Variants in CTNND1 observed in about 807,000 individuals in gnomAD.
CTNND1 encodes the protein catenin delta 1.
CTNND1 carries 16 observed loss-of-function variants against 112.1 expected under a neutral mutation model. That is an observed-to-expected ratio of 0.14 (90% confidence interval 0.10 to 0.22). The LOEUF (loss-of-function observed/expected upper bound fraction) is 0.22, where lower values mean the gene tolerates loss of function less well. Ranked by LOEUF, CTNND1 falls within the 10% of genes least tolerant of loss-of-function variation. The pLI is 1.00. For synonymous variants in CTNND1, 420 were observed against 446.5 expected (o/e 0.94, Z 0.75); for missense variants, 1,008 against 1,257.0 (o/e 0.80, Z 3.00).
chr11:57,803,656 A>G lies in CTNND1; in HGVS notation c.1456A>G (p.Lys486Glu), dbSNP rs1180281006. ...GAATCTTTCATCCCATGACTCAATC[A>G]AAATGGAGATTGTGGACCATGCACT... is the stretch of plus-strand genomic sequence containing the variant. The part of the protein sequence containing the change: ...LWNLSSHDSI[K>E]MEIVDHALHA... The change falls in exon 8 of 21, where the codon AAA becomes GAA. Residue 486 changes from lysine to glutamate, a missense_variant. Lys to Glu is a moderately conservative substitution (Grantham distance 56). Around this residue, in one of 5 missense-constraint regions of CTNND1, gnomAD observed 216 missense variants for 342.8 expected, o/e 0.63. Transcript: ENST00000399050. 1 of 1,612,672 alleles carries G rather than the reference A, an allele frequency of 6.2e-7. No homozygotes were observed. The highest frequency in any genetic ancestry group is 8.5e-7 in the Non-Finnish European group (1 of 1,179,536).
intron 2 of CTNND1, among the ~76,000 whole-genome samples, chr11:57,790,462 C>A (rs995329225): frequency 8.1e-5 from 9 of 110,726 alleles, no homozygotes; most frequent in African/African-American, 2.3e-4. Context: ...TGGCTCACTG[C>A]AACCTCCGCT....
chr11:57,796,449 A>C lies in CTNND1; in HGVS notation c.421-8A>C. ...TTAGTTTTTCTTTTTCTTGTTTCCT[A>C]CTTGCAGGTCAAGAAAGTAGTGAAG... On this transcript the variant is annotated splice_polypyrimidine_tract_variant and splice_region_variant and intron_variant, in intron 5 of 20. Coordinates refer to ENST00000399050, the MANE Select transcript of CTNND1 (RefSeq NM_001085458.2). 6.4e-7 allele frequency: 1 copy of C among 1,561,096 alleles called. No homozygotes were observed. Among genetic ancestry groups the C allele is most frequent in the Non-Finnish European group, 8.6e-7 (1 of 1,156,882 alleles).
At chr11:57,798,144 C>T (rs1371465669) in intron 6 of CTNND1, among the ~76,000 whole-genome samples, 3 of 151,856 alleles carry the variant, frequency 2.0e-5, no homozygotes, top group Non-Finnish European at 4.4e-5. Flanking sequence ...GTCAGGAGAT[C>T]GAGATCATCC....
intron 1 of CTNND1, among the ~76,000 whole-genome samples, chr11:57,784,050 G>T (rs555458555): frequency 6.6e-6 from 1 of 151,982 alleles, no homozygotes; most frequent in South Asian, 2.1e-4. Context: ...CTCCTGAGTA[G>T]CTGGGACTAC....
chr11:57,812,609 G>C (rs2063499001), intron 17 of CTNND1, among the ~76,000 whole-genome samples: 1 of 152,152 alleles, frequency 6.6e-6, no homozygotes, highest in Non-Finnish European at 1.5e-5. Context: ...GCATATTAAA[G>C]CATGATGGTT....
At chr11:57,768,999 CA>C (rs1160331093) in intron 1 of CTNND1, among the ~76,000 whole-genome samples, 1 of 149,932 alleles carries the variant, frequency 6.7e-6, no homozygotes, top group African/African-American at 2.5e-5. Flanking sequence ...TTTTTTTTTA[CA>C]TTTTTATTTT....
intron 11 of CTNND1, 44 bp from the exon 12 acceptor site, chr11:57,806,871 T>G: frequency 6.7e-7 from 1 of 1,494,306 alleles, no homozygotes; most frequent in African/African-American, 1.4e-5. Flanking sequence ...CTTTTCTTTT[T>G]TAAACTGGCT....
chr11:57,798,746 C>T (rs2061657793), intron 6 of CTNND1, among the ~76,000 whole-genome samples: 1 of 152,190 alleles, frequency 6.6e-6, no homozygotes, highest in Non-Finnish European at 1.5e-5. Flanking sequence ...GGTCGACAGA[C>T]CCCTGAAAAT....
chr11:57,811,257 C>T (rs1406656325), intron 16 of CTNND1, 142 bp from the exon 17 acceptor site: 9 of 616,594 alleles, frequency 1.5e-5, no homozygotes, highest in Non-Finnish European at 2.6e-5. Flanking sequence ...GTCTCACTGT[C>T]TAGGGTATTT....
chr11:57,765,647 T>C (rs926388030), intron 1 of CTNND1, among the ~76,000 whole-genome samples: 2 of 151,846 alleles, frequency 1.3e-5, no homozygotes, highest in African/African-American at 4.8e-5. Context: ...TTGTGTATTT[T>C]TGTGGAGATG....
chr11:57,764,567 C>T (rs1419753048), intron 1 of CTNND1, among the ~76,000 whole-genome samples: 1 of 152,240 alleles, frequency 6.6e-6, no homozygotes, highest in East Asian at 1.9e-4. Context: ...CTCATTCCCC[C>T]CTACCTCCCC....
rs373036513 is a variant in CTNND1, at chr11:57,814,443, A to G, written c.2701+70A>G. On this transcript the variant is annotated intron_variant, in intron 18 of 20. Coordinates refer to ENST00000399050, the MANE Select transcript of CTNND1 (RefSeq NM_001085458.2). ...TGGCTAAGGAGAGCTGTCTAGCTCT[A>G]TAGTTTTTTTTCTAATACCCTTACC... 475 of 1,228,286 alleles carry G rather than the reference A, an allele frequency of 3.9e-4. 1 individual carries two copies. The highest frequency in any genetic ancestry group is 5.9e-4 in the Admixed American group (29 of 49,286). The allele number at this position is 1,228,286 out of a possible 1,614,324, so 76.1% of individuals were successfully genotyped here.
intron 6 of CTNND1, among the ~76,000 whole-genome samples, chr11:57,798,682 G>A (rs1293113516): frequency 6.6e-6 from 1 of 152,192 alleles, no homozygotes; most frequent in Non-Finnish European, 1.5e-5. Flanking sequence ...AGTGATTGAT[G>A]TTTGGACTGG....
chr11:57,784,253 C>T (rs892520672), intron 1 of CTNND1, among the ~76,000 whole-genome samples: 1 of 150,550 alleles, frequency 6.6e-6, no homozygotes, highest in Admixed American at 6.6e-5. Context: ...CCTTTGCATT[C>T]CCTAGAATGG....
Position 57,793,609 on chromosome 11 carries a change from T to C in CTNND1, c.196-401T>C, listed in dbSNP as rs181742104. ...CCCAACTTAGCCCTTCCAACTTTCC[T>C]TACATTTTTATGGCTTTCCAAAAAG... On this transcript the variant is annotated intron_variant, in intron 3 of 20. Transcript: ENST00000399050. 7.9e-5 allele frequency among the ~76,000 whole-genome samples: 12 copies of C among 152,360 alleles called. No homozygotes were observed. The East Asian group carries it at 2.3e-3, about 29-fold the overall frequency.
At chr11:57,779,593 CTG>C (rs2136267792) in intron 1 of CTNND1, among the ~76,000 whole-genome samples, 1 of 152,346 alleles carries the variant, frequency 6.6e-6, no homozygotes, top group South Asian at 2.1e-4. Flanking sequence ...TCCTTCTTCT[CTG>C]TTCTTATGCT....
intron 17 of CTNND1, among the ~76,000 whole-genome samples, chr11:57,812,581 T>C (rs2063496455): frequency 6.6e-6 from 1 of 152,218 alleles, no homozygotes; most frequent in Admixed American, 6.5e-5. Context: ...CTTTTTAATA[T>C]TCTGTGCTGA....
Position 57,780,394 on chromosome 11 carries a change from A to G in CTNND1, c.-213-8643A>G, listed in dbSNP as rs536665072. Among the ~76,000 whole-genome samples the G allele has an allele frequency of 7.2e-5, 11 of 152,274 alleles. No individual in the cohort carries two copies. In the East Asian group the frequency reaches 1.7e-3, roughly 24 times the overall value. On this transcript the variant is annotated intron_variant, in intron 1 of 20. Coordinates refer to ENST00000399050, the MANE Select transcript of CTNND1 (RefSeq NM_001085458.2). ...TAACCCCAGGAAACATAGAAAATTCATACTCTTTCCACTTTATCAAGAAGG... is the reference window on the plus strand; with the variant it reads ...TAACCCCAGGAAACATAGAAAATTCGTACTCTTTCCACTTTATCAAGAAGG...
chr11:57,799,692 A>G (rs936225221), intron 6 of CTNND1, among the ~76,000 whole-genome samples: 3 of 152,198 alleles, frequency 2.0e-5, no homozygotes, highest in Non-Finnish European at 4.4e-5. Context: ...TTGTATAGAA[A>G]AGGATATAGG....
Sources: allele counts gnomAD v4.1 joint callset (sites outside exome capture counted in the v4.1 genomes callset), GRCh38; gene constraint gnomAD v4.1.1; regional missense constraint gnomAD v4.1.1; transcripts MANE v1.5; gene names NCBI Gene and HGNC (gene_info 2026-07-23, HGNC 2026-07-21).